The following COMMD6 variants were observed in gnomAD, a reference collection of about 807,000 sequenced individuals.
The protein encoded by COMMD6 is COMM domain containing 6.
In COMMD6, 11 loss-of-function variants were observed where a neutral mutation model predicts 13.4. The observed-to-expected ratio is 0.82, with a 90% confidence interval of 0.52 to 1.36. COMMD6 has a LOEUF of 1.36. Among genes scored for constraint, COMMD6 ranks in the 40% most tolerant of loss-of-function variants. The pLI, the probability that COMMD6 is intolerant of heterozygous loss-of-function variation, is 0.00. For missense variants in COMMD6, 124 were observed against 102.4 expected, an observed-to-expected ratio of 1.21 and a Z score of -0.91; for synonymous variants, 43 against 36.5, an observed-to-expected ratio of 1.18 and a Z score of -0.64.
chr13:75,537,625 A>G (rs778447303), intron 2 of COMMD6, 39 bp downstream of exon 2: 1 of 1,613,382 alleles, frequency 6.2e-7, no homozygotes, highest in Admixed American at 1.7e-5. Context: ...CGTGGGAGGC[A>G]GGCTGGCGGA....
intron 2 of COMMD6, among the ~76,000 whole-genome samples, chr13:75,533,051 C>A (rs1022545265): frequency 6.6e-6 from 1 of 151,718 alleles, no homozygotes; most frequent in African/African-American, 2.4e-5. Flanking sequence ...CTGCCTCAGC[C>A]ACCCGAGTAG....
chr13:75,532,700 A>G (rs757913666), intron 2 of COMMD6, among the ~76,000 whole-genome samples: 1 of 152,122 alleles, frequency 6.6e-6, no homozygotes, highest in Non-Finnish European at 1.5e-5. Context: ...GTGTGGTGGC[A>G]CACGCCTGTA....
chr13:75,528,610 A>G (rs766874316), intron 3 of COMMD6, among the ~76,000 whole-genome samples: 7 of 152,108 alleles, frequency 4.6e-5, no homozygotes, highest in Non-Finnish European at 8.8e-5. Context: ...GAGTTTCAGA[A>G]GTGGATGGAT....
chr13:75,548,398 AG>A (rs2030950435), intron 1 of COMMD6, among the ~76,000 whole-genome samples: 1 of 152,212 alleles, frequency 6.6e-6, no homozygotes, highest in African/African-American at 2.4e-5. Flanking sequence ...AAGTTTCCCA[AG>A]AAATATAAGC....
At chr13:75,532,749 A>G (rs1431653824) in intron 2 of COMMD6, among the ~76,000 whole-genome samples, 6 of 152,212 alleles carry the variant, frequency 3.9e-5, no homozygotes. Flanking sequence ...GGCTTTTGTA[A>G]GCAAATATGA....
Position 75,537,817 on chromosome 13 carries a change from G to A in COMMD6, c.-12C>T. On this transcript the variant is annotated 5_prime_UTR_variant, in exon 1 of 4. Transcript: ENST00000682242. ...CTGGACGCCTCCATGGGCAGCGTCT[G>A]GGACTTGCGGCCCGGACTCGAGAGA... 6.3e-7 allele frequency: 1 copy of A among 1,593,340 alleles called. No homozygotes were observed. Among genetic ancestry groups the A allele is most frequent in the Non-Finnish European group, 8.6e-7 (1 of 1,167,452 alleles).
chr13:75,541,198 G>A (rs1303820230), upstream of COMMD6, among the ~76,000 whole-genome samples: 3 of 152,182 alleles, frequency 2.0e-5, no homozygotes, highest in Non-Finnish European at 4.4e-5. Context: ...AACCCATGTT[G>A]TTCAAGGGTC....
intron 2 of COMMD6, among the ~76,000 whole-genome samples, chr13:75,532,773 C>A (rs908175540): frequency 6.6e-6 from 1 of 152,156 alleles, no homozygotes; most frequent in South Asian, 2.1e-4. Context: ...ATAAAGTTGA[C>A]AAGTGATCAA....
In COMMD6 at chr13:75,530,207, A is replaced by G; in HGVS notation, c.114T>C (p.Leu38=). 3.7e-6 allele frequency: 6 copies of G among 1,613,652 alleles called. No homozygotes were observed. Among genetic ancestry groups the G allele is most frequent in the Non-Finnish European group, 5.1e-6 (6 of 1,179,600 alleles). Residue 38 remains leucine (L), a synonymous_variant, in exon 3 of 4, where the codon CTT becomes CTC. Transcript: ENST00000682242. ...GCATCACTGCAACGTAAGGATACTT[A>G]AGAGATCTGCAAGTGTCTGAGCTCA... ...MAVSSDTCRS[L]KYPYVAVMLK... is the part of the protein sequence containing the mutation.
intron 1 of COMMD6, among the ~76,000 whole-genome samples, chr13:75,544,233 AT>A (rs1277083836): frequency 5.9e-5 from 9 of 152,208 alleles, no homozygotes; most frequent in South Asian, 4.1e-4. Context: ...GGGACTTAAA[AT>A]TTTTAGCCTT....
Position 75,530,272 on chromosome 13 carries a change from A to AT in COMMD6, c.55-7dup. The AT allele has an allele frequency of 1.2e-6, 2 of 1,606,614 alleles. No individual in the cohort carries two copies. The highest frequency in any genetic ancestry group is 4.5e-5 in the East Asian group (2 of 44,790). On this transcript the variant is annotated splice_region_variant and splice_polypyrimidine_tract_variant and intron_variant, in intron 2 of 3. Coordinates refer to ENST00000682242, the MANE Select transcript of COMMD6 (RefSeq NM_203495.4). Reference sequence around the variant, plus strand: ...TTCCACTGAAAATCTACAAGCTTTAATAAGACAGGACAAAATAATACATTA... The same window carrying AT: ...TTCCACTGAAAATCTACAAGCTTTAATTAAGACAGGACAAAATAATACATTA...
chr13:75,544,046 A>G (rs1414326779), intron 1 of COMMD6, among the ~76,000 whole-genome samples: 1 of 135,890 alleles, frequency 7.4e-6, no homozygotes, highest in Non-Finnish European at 1.6e-5. Context: ...CTTTCTGCTA[A>G]TTGACTGTTT....
Position 75,532,688 on chromosome 13 carries a change from G to A in COMMD6, c.55-2422C>T, listed in dbSNP as rs571614757. ...CTACCAAAAATACAAAAAATTAGCC[G>A]GGTGTGGTGGCACACGCCTGTAGTC... On this transcript the variant is annotated intron_variant, in intron 2 of 3. Coordinates refer to ENST00000682242, the MANE Select transcript of COMMD6 (RefSeq NM_203495.4). 1.6e-4 allele frequency among the ~76,000 whole-genome samples: 24 copies of A among 152,228 alleles called. No individual in the cohort carries two copies. In the South Asian group the frequency reaches 3.3e-3, roughly 21 times the overall value.
At chr13:75,535,992 ATCTTC>A (rs1284819741) in intron 2 of COMMD6, among the ~76,000 whole-genome samples, 2 of 151,822 alleles carry the variant, frequency 1.3e-5, no homozygotes, top group African/African-American at 4.8e-5. Context: ...GGCTCAAGAG[ATCTTC>A]TCTTCTCAGC....
chr13:75,546,899 AG>A (rs545162221), intron 1 of COMMD6, among the ~76,000 whole-genome samples: 88 of 152,224 alleles, frequency 5.8e-4, no homozygotes, highest in Non-Finnish European at 1.1e-3. Context: ...CGTTGCTTCT[AG>A]GGGAAATACA....
At chr13:75,531,114 C>G (rs1483352751) in intron 2 of COMMD6, among the ~76,000 whole-genome samples, 1 of 152,186 alleles carries the variant, frequency 6.6e-6, no homozygotes, top group Non-Finnish European at 1.5e-5. Context: ...TTCTACAAAA[C>G]TAATGCTCAC....
upstream of COMMD6, among the ~76,000 whole-genome samples, chr13:75,538,560 A>G (rs1213058372): frequency 6.6e-6 from 1 of 152,232 alleles, no homozygotes; most frequent in Non-Finnish European, 1.5e-5. Flanking sequence ...CTCGGCTTGT[A>G]TTAAGGATGA....
At chr13:75,533,292 C>T (rs1450378913) in intron 2 of COMMD6, among the ~76,000 whole-genome samples, 1 of 151,860 alleles carries the variant, frequency 6.6e-6, no homozygotes, top group Non-Finnish European at 1.5e-5. Flanking sequence ...TCAGGCTGGG[C>T]ACGGTGGCTC....
rs2030212844 is a variant in COMMD6, at chr13:75,525,543, G to T, written c.*1046C>A. ...ATTAATGCACTGGCATCCAGAGGGT[G>T]GGTAATAGAAATGTCTGTGGGTAGT... On this transcript the variant is annotated 3_prime_UTR_variant, in exon 4 of 4. Transcript: ENST00000682242. 6.6e-6 allele frequency: 1 copy of T among 152,230 alleles called. No homozygotes were observed. The highest frequency in any genetic ancestry group is 2.1e-4 in the South Asian group (1 of 4,832). 9.4% of individuals were successfully genotyped at this position (152,230 alleles called of 1,614,324 possible).
Sources: allele counts gnomAD v4.1 joint callset (sites outside exome capture counted in the v4.1 genomes callset), GRCh38; gene constraint gnomAD v4.1.1; transcripts MANE v1.5; gene names NCBI Gene and HGNC (gene_info 2026-07-23, HGNC 2026-07-21).